Variants in ATRNL1 observed in about 807,000 individuals in gnomAD.
The protein encoded by ATRNL1 is attractin-like protein 1.
ATRNL1 carries 95 observed loss-of-function variants against 182.7 expected under a neutral mutation model. That is an observed-to-expected ratio of 0.52 (90% confidence interval 0.44 to 0.62). The LOEUF (loss-of-function observed/expected upper bound fraction) is 0.62, where lower values mean the gene tolerates loss of function less well. ATRNL1 is among the 20% of genes least tolerant of loss of function. The pLI, the probability that ATRNL1 is intolerant of heterozygous loss-of-function variation, is 0.00. For missense variants in ATRNL1, 1,471 were observed against 1,679.5 expected (o/e 0.88, Z 2.17); for synonymous variants, 576 against 568.3 (o/e 1.01, Z -0.19).
intron 25 of ATRNL1, among the ~76,000 whole-genome samples, chr10:115,527,920 C>G (rs1554987041): frequency 8.3e-6 from 1 of 120,434 alleles, no homozygotes; most frequent in Non-Finnish European, 1.8e-5. Flanking sequence ...TCCTTCCTCC[C>G]TTCCTCCCTC....
intron 28 of ATRNL1, among the ~76,000 whole-genome samples, chr10:115,859,430 A>G (rs962121602): frequency 6.6e-5 from 10 of 152,104 alleles, no homozygotes; most frequent in African/African-American, 2.4e-4. Flanking sequence ...AGAAAATAAT[A>G]TAATTCACCT....
intron 22 of ATRNL1, among the ~76,000 whole-genome samples, chr10:115,464,025 C>T (rs1250835050): frequency 2.6e-5 from 4 of 151,924 alleles, no homozygotes; most frequent in Non-Finnish European, 5.9e-5. Flanking sequence ...TGTCTTTTTG[C>T]CATTTTCTCC....
At chr10:115,926,676 C>T (rs1272198293) in intron 28 of ATRNL1, among the ~76,000 whole-genome samples, 1 of 152,048 alleles carries the variant, frequency 6.6e-6, no homozygotes, top group African/African-American at 2.4e-5. Context: ...TGGATAAATT[C>T]CTGGACACAT....
chr10:115,480,647 T>A (rs1554973983), intron 24 of ATRNL1, among the ~76,000 whole-genome samples: 1 of 151,090 alleles, frequency 6.6e-6, no homozygotes, highest in Non-Finnish European at 1.5e-5. Flanking sequence ...GATTTTCTAA[T>A]AGCTATAAAA....
intron 19 of ATRNL1, among the ~76,000 whole-genome samples, chr10:115,385,790 G>C (rs1464269993): frequency 6.6e-6 from 1 of 152,040 alleles, no homozygotes; most frequent in Non-Finnish European, 1.5e-5. Flanking sequence ...ATGTCCAGTT[G>C]TTCTAGCACC....
intron 24 of ATRNL1, among the ~76,000 whole-genome samples, chr10:115,477,681 G>A (rs1848595067): frequency 6.6e-6 from 1 of 151,462 alleles, no homozygotes; most frequent in Non-Finnish European, 1.5e-5. Flanking sequence ...GGAGATATTT[G>A]GTGATCAAAA....
rs190991923 is a variant in ATRNL1 at position 115,176,219 on chromosome 10, T to C, written c.1348+4927T>C. ...TTCTGGATATTAGCCCTTTGCCAGA[T>C]GAGTAGATTGCAAAAATTTTCTTCC... On this transcript the variant is annotated intron_variant, in intron 8 of 28. Coordinates refer to ENST00000355044, the MANE Select transcript of ATRNL1 (RefSeq NM_207303.4). 8.3e-3 allele frequency among the ~76,000 whole-genome samples: 1,260 copies of C among 152,306 alleles called. 16 individuals are homozygous for C. Among genetic ancestry groups the C allele is most frequent in the Non-Finnish European group, 0.012 (836 of 68,026 alleles).
intron 18 of ATRNL1, among the ~76,000 whole-genome samples, chr10:115,325,906 T>A (rs944422512): frequency 6.6e-6 from 1 of 152,064 alleles, no homozygotes; most frequent in East Asian, 1.9e-4. Context: ...TTTTTTTTTT[T>A]AATGATTCTT....
intron 16 of ATRNL1, among the ~76,000 whole-genome samples, chr10:115,300,724 A>G (rs980985573): frequency 2.0e-5 from 3 of 152,122 alleles, no homozygotes; most frequent in Non-Finnish European, 2.9e-5. Flanking sequence ...TTATCATGGT[A>G]AAATGTACTT....
intron 26 of ATRNL1, among the ~76,000 whole-genome samples, chr10:115,559,443 T>TGTGCACGC (rs200694810): frequency 2.6e-5 from 2 of 77,788 alleles, no homozygotes; most frequent in African/African-American, 9.9e-5. Context: ...TGTGTGTGTG[T>TGTGCACGC]GCGCGCGCGC....
chr10:115,595,861 A>G (rs1462105264), intron 26 of ATRNL1, among the ~76,000 whole-genome samples: 1 of 152,312 alleles, frequency 6.6e-6, no homozygotes. Flanking sequence ...AAATGTCAGT[A>G]TATTTATTGT....
chr10:115,535,525 GT>G (rs1187055739), intron 25 of ATRNL1, among the ~76,000 whole-genome samples: 1 of 151,522 alleles, frequency 6.6e-6, no homozygotes, highest in Non-Finnish European at 1.5e-5. Context: ...TTTTTTCAAA[GT>G]TTTCAACTTC....
chr10:115,210,830 A>C (rs1848992288), intron 8 of ATRNL1, among the ~76,000 whole-genome samples: 1 of 151,990 alleles, frequency 6.6e-6, no homozygotes, highest in Admixed American at 6.6e-5. Flanking sequence ...ATCACAGTCT[A>C]CTGGCACCAG....
intron 28 of ATRNL1, among the ~76,000 whole-genome samples, chr10:115,943,680 A>G (rs1269312960): frequency 6.6e-6 from 1 of 151,410 alleles, no homozygotes; most frequent in African/African-American, 2.4e-5. Context: ...GCTCCTAGGT[A>G]CTTATGAATT....
chr10:115,891,758 C>T (rs1436009507), intron 28 of ATRNL1, among the ~76,000 whole-genome samples: 2 of 151,900 alleles, frequency 1.3e-5, no homozygotes, highest in Admixed American at 6.6e-5. Flanking sequence ...TTTGTTTTAC[C>T]GGTTAGATTA....
chr10:115,935,077 C>T (rs113150015), intron 28 of ATRNL1, among the ~76,000 whole-genome samples: 1 of 152,282 alleles, frequency 6.6e-6, no homozygotes, highest in African/African-American at 2.4e-5. Context: ...TTAGAGATCA[C>T]GCCTCTATCT....
chr10:115,888,368 T>A (rs1952001372), intron 28 of ATRNL1, among the ~76,000 whole-genome samples: 1 of 152,312 alleles, frequency 6.6e-6, no homozygotes, highest in African/African-American at 2.4e-5. Context: ...TGGCACCCCA[T>A]TAGAGTGCAA....
At chr10:115,789,406 TCTC>T (rs1191587416) in intron 27 of ATRNL1, among the ~76,000 whole-genome samples, 1 of 152,152 alleles carries the variant, frequency 6.6e-6, no homozygotes, top group African/African-American at 2.4e-5. Flanking sequence ...AATCGCTGCA[TCTC>T]CTGACACATT....
intron 26 of ATRNL1, among the ~76,000 whole-genome samples, chr10:115,664,639 A>G (rs1405311265): frequency 6.6e-6 from 1 of 152,168 alleles, no homozygotes; most frequent in Non-Finnish European, 1.5e-5. Context: ...ATCAAGGTTT[A>G]TAATCACTTT....
Sources: allele counts gnomAD v4.1 joint callset (sites outside exome capture counted in the v4.1 genomes callset), GRCh38; gene constraint gnomAD v4.1.1; transcripts MANE v1.5; gene names NCBI Gene and HGNC (gene_info 2026-07-23, HGNC 2026-07-21).